PCDHGB4: variants seen among roughly 807,000 people sequenced by gnomAD.
PCDHGB4 encodes protocadherin gamma subfamily B, 4.
In PCDHGB4, 38 loss-of-function variants were observed where a neutral mutation model predicts 60.5. The observed-to-expected ratio is 0.63, with a 90% CI of 0.48 to 0.82. PCDHGB4 has a LOEUF of 0.82. PCDHGB4 is among the 40% of genes least tolerant of loss of function. The pLI, the probability that PCDHGB4 is intolerant of heterozygous loss-of-function variation, is 0.00. For missense variants in PCDHGB4, 1,109 were observed against 1,209.6 expected (o/e 0.92, Z 1.23); for synonymous variants, 456 against 509.7 (o/e 0.89, Z 1.42).
intron 1 of PCDHGB4, chr5:141,398,937 C>T (rs2093727338): frequency 1.9e-6 from 3 of 1,613,902 alleles, no homozygotes; most frequent in Non-Finnish European, 2.5e-6. Flanking sequence ...CTGACCAAGA[C>T]GAGGGCATCA....
intron 1 of PCDHGB4, chr5:141,423,057 T>C (rs1443300486): frequency 6.2e-7 from 1 of 1,614,060 alleles, no homozygotes; most frequent in Non-Finnish European, 8.5e-7. Flanking sequence ...ATCGCCTGCT[T>C]AAGGCCAGCG....
At chr5:141,445,767 T>C (rs2098476828) in intron 1 of PCDHGB4, among the ~76,000 whole-genome samples, 1 of 152,142 alleles carries the variant, frequency 6.6e-6, no homozygotes, top group African/African-American at 2.4e-5. Flanking sequence ...ACTCAAGCAA[T>C]TTAAAAGGGC....
At chr5:141,510,353 C>T (rs74759939) in intron 3 of PCDHGB4, among the ~76,000 whole-genome samples, 2 of 146,504 alleles carry the variant, frequency 1.4e-5, no homozygotes, top group African/African-American at 5.0e-5. Context: ...CACTTACTAA[C>T]GGAACTACCG....
rs768132114 is a variant in PCDHGB4 at position 141,489,845 on chromosome 5, G to A, written c.2398-4962G>A. 5 of 1,614,188 alleles carry A rather than the reference G, an allele frequency of 3.1e-6. No homozygotes were observed. The highest frequency in any genetic ancestry group is 2.2e-5 in the South Asian group (2 of 91,088). On this transcript the variant is annotated intron_variant, in intron 1 of 3. Transcript: ENST00000519479. This position sits in a 1 kb window ranked among gnomAD's most constrained non-coding sequence, Gnocchi z 4.5. ...CTGGTGCTAGAGCAGCAGCTGGATC[G>A]TGAAGCCCAGGCAAGACATCAGCTG...
At chr5:141,395,345 A>G in intron 1 of PCDHGB4, 1 of 1,399,052 alleles carries the variant, frequency 7.1e-7, no homozygotes, top group South Asian at 1.5e-5. Flanking sequence ...TTTAAGGTGT[A>G]TCACAGAGTT....
chr5:141,423,440 C>T lies in PCDHGB4; in HGVS notation c.2397+33159C>T, dbSNP rs768389351. 27 of 1,613,852 alleles carry T rather than the reference C, an allele frequency of 1.7e-5. No individual in the cohort carries two copies. In the East Asian group the frequency reaches 4.5e-4, roughly 27 times the overall value. ...GAAGGCGGGTTGGCAGGTATGCCCACGTCACATTTTGTAGGCGTGGACGGG... is the reference window on the plus strand; with the variant it reads ...GAAGGCGGGTTGGCAGGTATGCCCATGTCACATTTTGTAGGCGTGGACGGG... On this transcript the variant is annotated intron_variant, in intron 1 of 3. Coordinates refer to ENST00000519479, the MANE Select transcript of PCDHGB4 (RefSeq NM_003736.4).
At chr5:141,450,786 C>A (rs1468388706) in intron 1 of PCDHGB4, among the ~76,000 whole-genome samples, 1 of 151,020 alleles carries the variant, frequency 6.6e-6, no homozygotes, top group Admixed American at 6.6e-5. Flanking sequence ...CGTGCCCGGA[C>A]CTCATGATTG....
intron 1 of PCDHGB4, among the ~76,000 whole-genome samples, chr5:141,444,275 G>A (rs1427489988): frequency 7.1e-6 from 1 of 141,698 alleles, no homozygotes; most frequent in Non-Finnish European, 1.5e-5. Flanking sequence ...AGGTTCAAGT[G>A]ATTCTCCTGC....
At chr5:141,442,682 T>C (rs1591733469) in intron 1 of PCDHGB4, among the ~76,000 whole-genome samples, 1 of 152,218 alleles carries the variant, frequency 6.6e-6, no homozygotes, top group East Asian at 1.9e-4. Context: ...TGAGGGACAG[T>C]AGTCAGGCAG....
intron 1 of PCDHGB4, chr5:141,441,954 CA>C (rs1240871171): frequency 3.1e-6 from 1 of 319,488 alleles, no homozygotes; most frequent in Non-Finnish European, 6.0e-6. Flanking sequence ...TGCAGGCCAG[CA>C]AGCCCAGGCT....
At chr5:141,408,271 T>A in intron 1 of PCDHGB4, 23 of 1,610,976 alleles carry the variant, frequency 1.4e-5, no homozygotes, top group Non-Finnish European at 1.9e-5. Context: ...TGCTGCTGCC[T>A]TTGTTCTACC....
At chr5:141,422,498 C>T (rs1482415670) in intron 1 of PCDHGB4, 1 of 1,613,964 alleles carries the variant, frequency 6.2e-7, no homozygotes, top group Admixed American at 1.7e-5. Flanking sequence ...ATAACGTTGA[C>T]AGCCACAGAC....
intron 1 of PCDHGB4, chr5:141,403,199 A>AC (rs1480420470): frequency 6.2e-7 from 1 of 1,613,812 alleles, no homozygotes; most frequent in African/African-American, 1.3e-5. Flanking sequence ...GCGCAGCGGC[A>AC]CCTTGGTCAC....
At position 141,432,727 on chromosome 5, in the gene PCDHGB4, C is replaced by T; in HGVS notation, c.2397+42446C>T. 6.2e-7 allele frequency: 1 copy of T among 1,614,090 alleles called. No individual in the cohort carries two copies. Among genetic ancestry groups the T allele is most frequent in the Non-Finnish European group, 8.5e-7 (1 of 1,179,996 alleles). ...ACCACGGCCAGCCCCCTCTCTCCGC[C>T]ACTGTCACGCTCACCGTGGCCGTGG... On this transcript the variant is annotated intron_variant, in intron 1 of 3. Transcript: ENST00000519479. The surrounding 1 kb of genome is among the most constrained non-coding windows in gnomAD (Gnocchi z 6.0).
chr5:141,484,549 G>A (rs939394402), intron 1 of PCDHGB4, among the ~76,000 whole-genome samples: 1 of 152,162 alleles, frequency 6.6e-6, no homozygotes, highest in African/African-American at 2.4e-5. Context: ...GTTCTAATTA[G>A]CAGTTGCTCC....
At chr5:141,466,094 C>T (rs1462266046) in intron 1 of PCDHGB4, among the ~76,000 whole-genome samples, 1 of 152,040 alleles carries the variant, frequency 6.6e-6, no homozygotes, top group Non-Finnish European at 1.5e-5. Flanking sequence ...TGCACTCCAG[C>T]CTGGGCAACA....
At chr5:141,436,071 A>G (rs1419598304) in intron 1 of PCDHGB4, among the ~76,000 whole-genome samples, 1 of 152,222 alleles carries the variant, frequency 6.6e-6, no homozygotes. Context: ...TAATAAGTAC[A>G]GTGTTCTATA....
intron 1 of PCDHGB4, chr5:141,393,030 C>T (rs1376617687): frequency 1.2e-6 from 2 of 1,613,780 alleles, no homozygotes; most frequent in Admixed American, 3.3e-5. Context: ...AGGTAGGACG[C>T]AGCTCTTTGC....
chr5:141,419,539 G>A, intron 1 of PCDHGB4: 3 of 1,612,058 alleles, frequency 1.9e-6, no homozygotes, highest in Non-Finnish European at 2.5e-6. Flanking sequence ...ACAACGCACC[G>A]CGGGTGCTGT....
Sources: allele counts gnomAD v4.1 joint callset (sites outside exome capture counted in the v4.1 genomes callset), GRCh38; gene constraint gnomAD v4.1.1; non-coding constraint Gnocchi (gnomAD v3.1); transcripts MANE v1.5; gene names NCBI Gene and HGNC (gene_info 2026-07-23, HGNC 2026-07-21).